CALB2: variants seen among roughly 807,000 people sequenced by gnomAD.
The protein encoded by CALB2 is calbindin 2.
Under a neutral mutation model 45.9 loss-of-function variants are expected in CALB2, and 34 were observed. The observed-to-expected ratio is 0.74, with a 90% CI of 0.56 to 0.99. The LOEUF (loss-of-function observed/expected upper bound fraction) is 0.99, where lower values mean the gene tolerates loss of function less well. Among genes scored for constraint, CALB2 ranks in the 50% least tolerant of loss-of-function variants. The probability of loss-of-function intolerance (pLI) is 0.00; values close to 1 mark genes in which losing one functional copy is unlikely to be tolerated. For synonymous variants in CALB2, 142 were observed against 129.6 expected (o/e 1.10, Z -0.65); for missense variants, 344 against 339.3 (o/e 1.01, Z -0.11).
At chr16:71,378,464 C>G (rs1050850494) in intron 4 of CALB2, among the ~76,000 whole-genome samples, 1 of 151,872 alleles carries the variant, frequency 6.6e-6, no homozygotes, top group Non-Finnish European at 1.5e-5. Context: ...AAGGCTAAGG[C>G]AGGAAGATCA....
At chr16:71,361,883 C>A (rs988625758) in intron 1 of CALB2, among the ~76,000 whole-genome samples, 1 of 152,202 alleles carries the variant, frequency 6.6e-6, no homozygotes, top group Non-Finnish European at 1.5e-5. Context: ...CACAGCAAAG[C>A]AGGAAGAGGT....
rs986414978 is a variant in CALB2 at position 71,390,015 on chromosome 16, G to A, written c.*150G>A. On this transcript the variant is annotated 3_prime_UTR_variant, in exon 11 of 11. Transcript: ENST00000302628. Reference sequence around the variant, plus strand: ...GCAGAGCAGGAAATGAGAGATAGAGGATGGGCAGCTGGGGGGCTGTCCTGA... The same window carrying A: ...GCAGAGCAGGAAATGAGAGATAGAGAATGGGCAGCTGGGGGGCTGTCCTGA... 5.0e-5 allele frequency: 31 copies of A among 617,494 alleles called. No homozygotes were observed. Among genetic ancestry groups the A allele is most frequent in the Non-Finnish European group, 7.8e-5 (27 of 346,754 alleles). The allele number at this position is 617,494 out of a possible 1,614,324, so 38.3% of individuals were successfully genotyped here.
intron 1 of CALB2, among the ~76,000 whole-genome samples, chr16:71,365,923 A>T (rs1161247919): frequency 6.6e-6 from 1 of 151,420 alleles, no homozygotes; most frequent in African/African-American, 2.4e-5. Context: ...CCAAGGCAAC[A>T]ATGTTGTTTT....
intron 1 of CALB2, among the ~76,000 whole-genome samples, chr16:71,362,656 T>C (rs945732814): frequency 1.3e-5 from 2 of 152,342 alleles, no homozygotes; most frequent in East Asian, 3.9e-4. Context: ...ATTATTAAGA[T>C]ATTGTTTAAA....
intron 4 of CALB2, among the ~76,000 whole-genome samples, chr16:71,380,248 G>A (rs1490947131): frequency 6.9e-6 from 1 of 143,948 alleles, no homozygotes; most frequent in Admixed American, 7.1e-5. Flanking sequence ...CTGTGCAGCT[G>A]ACAGGATTTC....
chr16:71,361,059 A>G (rs2042233816), intron 1 of CALB2, among the ~76,000 whole-genome samples: 1 of 152,136 alleles, frequency 6.6e-6, no homozygotes, highest in Non-Finnish European at 1.5e-5. Flanking sequence ...TAGTTAAGCT[A>G]CCACCAAACC....
At chr16:71,377,532 CAAGG>C (rs2042430888) in intron 3 of CALB2, 131 bp from the exon 4 acceptor site, 5 of 646,362 alleles carry the variant, frequency 7.7e-6, no homozygotes, top group South Asian at 1.8e-5. Flanking sequence ...CACCCGTTCT[CAAGG>C]AAGGAAGGAA....
In CALB2 at chr16:71,377,653, C is replaced by G; in HGVS notation, c.262-14C>G. The G allele has an allele frequency of 6.2e-7, 1 of 1,605,184 alleles. No individual in the cohort carries two copies. On this transcript the variant is annotated splice_polypyrimidine_tract_variant and intron_variant, in intron 3 of 10. Coordinates refer to ENST00000302628, the MANE Select transcript of CALB2 (RefSeq NM_001740.5). ...CCCTCCATAACGTTAGTGTCGCTCT[C>G]TGTATCTTCACAGCTGGCGCAGATC... is the stretch of plus-strand genomic sequence containing the variant.
chr16:71,387,594 C>T (rs1336439477), intron 10 of CALB2, among the ~76,000 whole-genome samples: 1 of 152,038 alleles, frequency 6.6e-6, no homozygotes, highest in African/African-American at 2.4e-5. Flanking sequence ...GATTGAACTT[C>T]AGTATTTCTT....
In CALB2 at chr16:71,366,193, A is replaced by AT. The variant is rs554591203; in HGVS notation, c.95-5954dup. Among the ~76,000 whole-genome samples the AT allele has an allele frequency of 5.4e-5, 8 of 148,984 alleles. No homozygotes were observed. In the South Asian group the frequency reaches 1.3e-3, roughly 24 times the overall value. ...GTGTGCCCGCTACCACGCCCGGCTA[A>AT]TTTTTTGTATTTTTAGTAGAGACGG... On this transcript the variant is annotated intron_variant, in intron 1 of 10. Coordinates refer to ENST00000302628, the MANE Select transcript of CALB2 (RefSeq NM_001740.5).
chr16:71,386,966 G>A (rs941289931), intron 10 of CALB2, among the ~76,000 whole-genome samples: 4 of 152,178 alleles, frequency 2.6e-5, no homozygotes, highest in Non-Finnish European at 5.9e-5. Context: ...GTACTCACCA[G>A]GTGTTTGAAC....
intron 3 of CALB2, among the ~76,000 whole-genome samples, chr16:71,375,198 A>G (rs929612905): frequency 6.6e-6 from 1 of 152,264 alleles, no homozygotes; most frequent in African/African-American, 2.4e-5. Flanking sequence ...TAAAAGTTAT[A>G]TACATAATTT....
At chr16:71,375,297 T>C (rs1161775841) in intron 3 of CALB2, among the ~76,000 whole-genome samples, 2 of 152,230 alleles carry the variant, frequency 1.3e-5, no homozygotes, top group Non-Finnish European at 1.5e-5. Context: ...TATCCATGTA[T>C]ACATATATAC....
chr16:71,388,844 T>C (rs932709372), intron 10 of CALB2, among the ~76,000 whole-genome samples: 1 of 151,158 alleles, frequency 6.6e-6, no homozygotes, highest in African/African-American at 2.4e-5. Context: ...AGTGCAAACA[T>C]TAGCTGGGCA....
rs573922741 is a variant in CALB2, at chr16:71,387,461, CT to C, written c.699+1826del. Among the ~76,000 whole-genome samples, 898 of 142,076 alleles carry C rather than the reference CT, an allele frequency of 6.3e-3. 1 individual carries two copies. Among genetic ancestry groups the C allele is most frequent in the Middle Eastern group, 0.011 (3 of 274 alleles). 93.2% of individuals were successfully genotyped at this position (142,076 alleles called of 152,430 possible). On this transcript the variant is annotated intron_variant, in intron 10 of 10. Transcript: ENST00000302628. ...AGCACCTGTGCTGGAACGGAAGGGC[CT>C]TTTTTTTTTTTTGTAAACCCACATA...
chr16:71,387,081 G>A (rs2145005683), intron 10 of CALB2, among the ~76,000 whole-genome samples: 1 of 152,290 alleles, frequency 6.6e-6, no homozygotes, highest in South Asian at 2.1e-4. Flanking sequence ...GTAATTGTAT[G>A]AATGAGGCAT....
At chr16:71,368,032 G>A (rs2042307266) in intron 1 of CALB2, among the ~76,000 whole-genome samples, 1 of 152,122 alleles carries the variant, frequency 6.6e-6, no homozygotes, top group African/African-American at 2.4e-5. Context: ...AGAAGCCCTG[G>A]AAGTCGATCT....
At chr16:71,370,508 G>T (rs2042337035) in intron 1 of CALB2, among the ~76,000 whole-genome samples, 1 of 152,062 alleles carries the variant, frequency 6.6e-6, no homozygotes, top group South Asian at 2.1e-4. Context: ...ATGGTGCTTA[G>T]TTCACACCCC....
chr16:71,373,283 C>T (rs2042373547), intron 2 of CALB2, among the ~76,000 whole-genome samples: 2 of 152,062 alleles, frequency 1.3e-5, no homozygotes, highest in Admixed American at 1.3e-4. Flanking sequence ...GGAGATGAGT[C>T]ACAAATCCAC....
Sources: gnomAD v4.1 joint callset for allele counts (sites outside exome capture counted in the v4.1 genomes callset) on GRCh38, gnomAD v4.1.1 for gene constraint, MANE v1.5 for transcripts, NCBI Gene and HGNC (gene_info 2026-07-23, HGNC 2026-07-21) for gene names.